Variants in PCDHA11 observed in about 807,000 individuals in gnomAD.
The protein encoded by PCDHA11 is protocadherin alpha 11.
A neutral mutation model predicts 70.3 loss-of-function variants in PCDHA11; 61 were observed. The observed-to-expected ratio is 0.87, with a 90% confidence interval of 0.71 to 1.07. The LOEUF (loss-of-function observed/expected upper bound fraction) is 1.07. Among genes scored for constraint, PCDHA11 ranks in the 50% least tolerant of loss-of-function variants. PCDHA11 has a pLI of 0.00. For synonymous variants in PCDHA11, 633 were observed against 555.1 expected (o/e 1.14, Z -1.97); for missense variants, 1,324 against 1,237.5 (o/e 1.07, Z -1.05).
chr5:140,977,314 C>T (rs905353961), intron 1 of PCDHA11, among the ~76,000 whole-genome samples: 1 of 152,152 alleles, frequency 6.6e-6, no homozygotes, highest in Non-Finnish European at 1.5e-5. Context: ...AACGATAGTG[C>T]TCCTGATGGC....
chr5:141,002,975 A>G (rs188944079), intron 3 of PCDHA11, among the ~76,000 whole-genome samples: 1 of 152,338 alleles, frequency 6.6e-6, no homozygotes, highest in Admixed American at 6.5e-5. Context: ...TGAAAATAGT[A>G]TCCTTGGTCA....
chr5:140,979,961 C>G (rs1554241296), intron 2 of PCDHA11, among the ~76,000 whole-genome samples: 1 of 152,054 alleles, frequency 6.6e-6, no homozygotes, highest in Non-Finnish European at 1.5e-5. Context: ...TAGTTTTAGC[C>G]CATTAAAATG....
chr5:140,927,031 GC>G, intron 1 of PCDHA11: 6 of 1,612,410 alleles, frequency 3.7e-6, no homozygotes, highest in Non-Finnish European at 5.1e-6. Flanking sequence ...GAGGCTGCCA[GC>G]GGCCGCTATG....
chr5:140,949,550 G>A (rs1195934854), intron 1 of PCDHA11, among the ~76,000 whole-genome samples: 11 of 151,608 alleles, frequency 7.3e-5, no homozygotes, highest in Admixed American at 7.2e-4. Flanking sequence ...TTTGTTGCTG[G>A]TCATACTTTT....
At chr5:140,895,138 G>C (rs782496234) in intron 1 of PCDHA11, among the ~76,000 whole-genome samples, 14 of 151,944 alleles carry the variant, frequency 9.2e-5, no homozygotes, top group Non-Finnish European at 1.8e-4. Flanking sequence ...AAGTTCATAG[G>C]GCTAAGACAG....
At chr5:140,983,257 A>C (rs2097036264) in intron 3 of PCDHA11, among the ~76,000 whole-genome samples, 1 of 152,214 alleles carries the variant, frequency 6.6e-6, no homozygotes, top group Non-Finnish European at 1.5e-5. Context: ...GTTGTGTAAA[A>C]AACCTAATGG....
chr5:141,001,017 A>G (rs1414857051), intron 3 of PCDHA11, among the ~76,000 whole-genome samples: 2 of 152,240 alleles, frequency 1.3e-5, no homozygotes, highest in Admixed American at 1.3e-4. Flanking sequence ...TTAGATATAC[A>G]CTTATAATAA....
chr5:140,966,678 C>T, intron 1 of PCDHA11: 5 of 1,313,350 alleles, frequency 3.8e-6, no homozygotes, highest in South Asian at 3.6e-5. Context: ...CAGGGTGGCA[C>T]GAGCGGAGGC....
At chr5:140,883,455 A>T in intron 1 of PCDHA11, 1 of 1,614,128 alleles carries the variant, frequency 6.2e-7, no homozygotes, top group East Asian at 2.2e-5. Flanking sequence ...GTCCCCTTCA[A>T]GCTGGTGTCC....
intron 1 of PCDHA11, chr5:140,967,709 G>A (rs1554229820): frequency 3.1e-6 from 5 of 1,614,022 alleles, no homozygotes; most frequent in Admixed American, 3.3e-5. Flanking sequence ...TGCCAGTACC[G>A]GGGAAGTGCG....
Position 140,868,996 on chromosome 5 carries a change from G to T in PCDHA11, c.-108G>T. On this transcript the variant is annotated 5_prime_UTR_variant, in exon 1 of 4. It adds an upstream start codon to the 5' untranslated region. Transcript: ENST00000398640. The stretch of plus-strand genomic sequence containing the variant: ...CATCATACCGGATGCCACCGTTTAA[G>T]GATCCTTTGAAACTTCTTAAGAATT... 6.6e-7 allele frequency: 1 copy of T among 1,516,608 alleles called. No individual in the cohort carries two copies. The highest frequency in any genetic ancestry group is 1.4e-5 in the South Asian group (1 of 73,334). The allele number at this position is 1,516,608 out of a possible 1,614,324, so 93.9% of individuals were successfully genotyped here. A position where few individuals can be genotyped will look rare whatever the true frequency, so the allele number is the denominator to read the frequency against.
chr5:140,875,771 C>A (rs182160950), intron 1 of PCDHA11: 3 of 1,614,080 alleles, frequency 1.9e-6, no homozygotes, highest in Non-Finnish European at 2.5e-6. Context: ...GGGCGGAGCG[C>A]GGAGTGCAGT....
At chr5:140,914,578 A>T (rs1858296) in intron 1 of PCDHA11, among the ~76,000 whole-genome samples, 49,681 of 151,930 alleles carry the variant, frequency 0.33, 8,403 homozygotes, top group East Asian at 0.53. Flanking sequence ...ACATTCAATA[A>T]TTTCATTTAA....
intron 1 of PCDHA11, among the ~76,000 whole-genome samples, chr5:140,924,229 T>G (rs543275737): frequency 6.6e-6 from 1 of 152,258 alleles, no homozygotes; most frequent in Non-Finnish European, 1.5e-5. Flanking sequence ...TCAATTTTTA[T>G]GGGCTGTTTT....
intron 1 of PCDHA11, among the ~76,000 whole-genome samples, chr5:140,909,383 C>T (rs782249699): frequency 5.9e-5 from 9 of 152,202 alleles, no homozygotes; most frequent in Non-Finnish European, 1.3e-4. Flanking sequence ...GAAACCACAT[C>T]TAGTACAGCA....
At chr5:140,882,346 G>T (rs146510190) in intron 1 of PCDHA11, 36 of 1,614,194 alleles carry the variant, frequency 2.2e-5, no homozygotes, top group Non-Finnish European at 2.9e-5. Flanking sequence ...CCTGGGAGAC[G>T]GGTAGTGGCC....
chr5:140,871,113 G>C lies in PCDHA11; in HGVS notation c.2010G>C (p.Glu670Asp). The change falls in exon 1 of 4, where the codon GAG becomes GAC. Residue 670 changes from glutamate (E) to aspartate (D), a missense_variant. Coordinates refer to ENST00000398640, the MANE Select transcript of PCDHA11 (RefSeq NM_018902.5). ...ATATVLVSLV[E>D]SGQAPKASSR... is the part of the protein sequence containing the mutation. Reference sequence around the variant, plus strand: ...CCACCGTGCTGGTGTCGTTGGTGGAGAGCGGACAGGCGCCAAAGGCCTCTT... The same window carrying C: ...CCACCGTGCTGGTGTCGTTGGTGGACAGCGGACAGGCGCCAAAGGCCTCTT... The C allele has an allele frequency of 6.2e-7, 1 of 1,613,306 alleles. No individual in the cohort carries two copies.
chr5:140,924,668 GC>G (rs2081945881), intron 1 of PCDHA11, among the ~76,000 whole-genome samples: 1 of 152,142 alleles, frequency 6.6e-6, no homozygotes, highest in Admixed American at 6.5e-5. Context: ...GCCGAGGCAG[GC>G]CAATCACTTG....
Position 140,868,974 on chromosome 5 carries a change from C to G in PCDHA11, c.-130C>G. ...GCACTCCCATACAAAGGAACTCCATCATACCGGATGCCACCGTTTAAGGAT... is the reference window on the plus strand; with the variant it reads ...GCACTCCCATACAAAGGAACTCCATGATACCGGATGCCACCGTTTAAGGAT... On this transcript the variant is annotated 5_prime_UTR_variant, in exon 1 of 4. The change creates a new upstream start codon in the 5' untranslated region. Transcript: ENST00000398640. The G allele has an allele frequency of 6.8e-7, 1 of 1,471,886 alleles. No individual in the cohort carries two copies. The highest frequency in any genetic ancestry group is 9.1e-7 in the Non-Finnish European group (1 of 1,100,984). The allele number at this position is 1,471,886 out of a possible 1,614,324, so 91.2% of individuals were successfully genotyped here.
Sources: gnomAD v4.1 joint callset for allele counts (sites outside exome capture counted in the v4.1 genomes callset) on GRCh38, gnomAD v4.1.1 for gene constraint, MANE v1.5 for transcripts, NCBI Gene and HGNC (gene_info 2026-07-23, HGNC 2026-07-21) for gene names.